Variants in TRPM1 observed in about 807,000 individuals in gnomAD.
TRPM1 encodes TRPM1-203 APA Isoform, Intron 10.
Under a neutral mutation model 149.4 loss-of-function variants are expected in TRPM1, and 113 were observed. The ratio of observed to expected loss-of-function variants is 0.76; its 90% CI spans 0.65 to 0.88. The LOEUF is 0.88. Among genes scored for constraint, TRPM1 ranks in the 40% least tolerant of loss-of-function variants. The probability of loss-of-function intolerance (pLI) is 0.00; values close to 1 mark genes in which losing one functional copy is unlikely to be tolerated. For missense variants in TRPM1, 1,976 were observed against 2,038.7 expected (o/e 0.97, Z 0.59); for synonymous variants, 741 against 759.5 (o/e 0.98, Z 0.40).
intron 27 of TRPM1, 34 bp from the exon 28 acceptor site, chr15:31,003,104 G>T: frequency 6.4e-7 from 1 of 1,551,958 alleles, no homozygotes; most frequent in East Asian, 2.2e-5. Flanking sequence ...TTATTAAACT[G>T]AGATTAAGTG....
At position 31,152,226 on chromosome 15, in the gene TRPM1, ATT is replaced by A; in HGVS notation, c.54+8678_54+8679del. Among the ~76,000 whole-genome samples the A allele has an allele frequency of 1.3e-5, 2 of 152,250 alleles. 1 individual carries two copies. Among genetic ancestry groups the A allele is most frequent in the South Asian group, 4.1e-4 (2 of 4,830 alleles). ...GAACTCTGCTCAGGCATGGGCATGG[ATT>A]AGTGCCTGGGTCTGAAGTGCCCCCC... On this transcript the variant is annotated intron_variant, in intron 1 of 26. Transcript: ENST00000542188.
chr15:31,033,085 G>A (rs2033169618), intron 21 of TRPM1, 145 bp from the exon 22 acceptor site: 4 of 1,104,194 alleles, frequency 3.6e-6, no homozygotes, highest in Non-Finnish European at 5.4e-6. Flanking sequence ...TTCTTCTCAG[G>A]CAGGGAGAGA....
chr15:31,141,806 G>A (rs568286098), intron 1 of TRPM1, among the ~76,000 whole-genome samples: 1 of 152,342 alleles, frequency 6.6e-6, no homozygotes, highest in South Asian at 2.1e-4. Flanking sequence ...GTTAAAATTG[G>A]TTGTGAGGGA....
At chr15:31,106,031 G>C (rs1255739774), upstream of TRPM1, among the ~76,000 whole-genome samples, 2 of 152,286 alleles carry the variant, frequency 1.3e-5, no homozygotes, top group Admixed American at 6.5e-5. Context: ...TGAAACGTTT[G>C]CATTTTGGCA....
chr15:31,002,098 A>G lies in TRPM1; in HGVS notation c.4602T>C (p.Ala1534=), dbSNP rs1261449086. ...FADMQDEHHV[A]EAIPRIPRLS... ...AGCGAGGGATTCGAGGAATTGCTTCAGCGACATGGTGTTCATCTTGCATAT... is the reference window on the plus strand; with the variant it reads ...AGCGAGGGATTCGAGGAATTGCTTCGGCGACATGGTGTTCATCTTGCATAT... Residue 1534 remains alanine, a synonymous_variant, in exon 28 of 28, where the codon GCT becomes GCC. Transcript: ENST00000256552. 1 of 1,614,262 alleles carries G rather than the reference A, an allele frequency of 6.2e-7. No homozygotes were observed. Among genetic ancestry groups the G allele is most frequent in the Non-Finnish European group, 8.5e-7 (1 of 1,180,040 alleles).
At chr15:31,025,530 G>C (rs115042504) in intron 27 of TRPM1, among the ~76,000 whole-genome samples, 1 of 152,134 alleles carries the variant, frequency 6.6e-6, no homozygotes, top group South Asian at 2.1e-4. Context: ...GCATCACCGC[G>C]GAGATTAGGC....
intron 1 of TRPM1, among the ~76,000 whole-genome samples, chr15:31,156,195 CAAAAAA>C (rs35981768): frequency 2.3e-3 from 85 of 36,646 alleles, no homozygotes; most frequent in African/African-American, 8.3e-3. Flanking sequence ...AGACCTCTGT[CAAAAAA>C]AAAAAAAAAA....
At position 31,083,326 on chromosome 15, in the gene TRPM1, C is replaced by A. The variant is rs115871677; in HGVS notation, c.-83-1888G>T. Among the ~76,000 whole-genome samples the A allele has an allele frequency of 4.8e-3, 730 of 152,334 alleles. 5 individuals are homozygous for A. Among genetic ancestry groups the A allele is most frequent in the African/African-American group, 0.017 (700 of 41,576 alleles). ...GGCCCACATATGGGCTTGGTTGGAA[C>A]CTTTTGTGAAAACTACATTTAGCTG... On this transcript the variant is annotated intron_variant, in intron 1 of 27. Transcript: ENST00000256552.
rs1263694685 is a variant in TRPM1, at chr15:31,070,192, G to T, written c.118C>A (p.Pro40Thr). The change falls in exon 4 of 28, where the codon CCC becomes ACC. Residue 40 changes from proline (P) to threonine (T), a missense_variant. Around this residue, in one of 3 missense-constraint regions of TRPM1, gnomAD observed 1,332 missense variants for 1,347.1 expected, o/e 0.99. Coordinates refer to ENST00000256552, the MANE Select transcript of TRPM1 (RefSeq NM_001252024.2). ...CTGGGTGTTGCACTTGGCAGAGGGG[G>T]GATATGCTGGTTGGTGAACTGGCCA... ...CCGQFTNQHI[P>T]PLPSATPSKN... 3.1e-6 allele frequency: 5 copies of T among 1,613,932 alleles called. No individual in the cohort carries two copies. The South Asian group carries it at 5.5e-5, about 18-fold the overall frequency.
Position 31,085,257 on chromosome 15 carries a change from C to T in TRPM1, c.-83-3819G>A, listed in dbSNP as rs146502827. Among the ~76,000 whole-genome samples the T allele has an allele frequency of 1.6e-3, 247 of 152,308 alleles. 4 individuals are homozygous for T. The East Asian group carries it at 0.036, about 22-fold the overall frequency. On this transcript the variant is annotated intron_variant, in intron 1 of 27. Coordinates refer to ENST00000256552, the MANE Select transcript of TRPM1 (RefSeq NM_001252024.2). Reference sequence around the variant, plus strand: ...CTATGGCCAGTTCCAAGAGTCCAGCCTCATGGTTACATCCTTGGCATTTCT... The same window carrying T: ...CTATGGCCAGTTCCAAGAGTCCAGCTTCATGGTTACATCCTTGGCATTTCT...
chr15:31,032,176 CA>C (rs2140911398), intron 22 of TRPM1, among the ~76,000 whole-genome samples: 1 of 152,096 alleles, frequency 6.6e-6, no homozygotes, highest in East Asian at 1.9e-4. Context: ...CCTATTGCAT[CA>C]AAAATTGATG....
intron 22 of TRPM1, among the ~76,000 whole-genome samples, chr15:31,032,174 A>G (rs1399764599): frequency 2.0e-5 from 3 of 152,140 alleles, no homozygotes. Flanking sequence ...TTCCTATTGC[A>G]TCAAAAATTG....
At chr15:31,080,599 T>C (rs2034828456) in intron 2 of TRPM1, among the ~76,000 whole-genome samples, 1 of 151,454 alleles carries the variant, frequency 6.6e-6, no homozygotes, top group East Asian at 1.9e-4. Context: ...TCTGGCACTG[T>C]CCTTCCCTAG....
At chr15:31,023,559 T>C (rs946759728) in intron 27 of TRPM1, among the ~76,000 whole-genome samples, 12 of 152,170 alleles carry the variant, frequency 7.9e-5, no homozygotes, top group Non-Finnish European at 1.8e-4. Context: ...TGGAAGCCTG[T>C]ACTAGGTGCG....
intron 1 of TRPM1, among the ~76,000 whole-genome samples, chr15:31,096,935 G>A (rs1028954328): frequency 6.6e-6 from 1 of 152,220 alleles, no homozygotes. Context: ...ACGCCAGCAG[G>A]AGTGAGGGGT....
upstream of TRPM1, among the ~76,000 whole-genome samples, chr15:31,105,825 A>G (rs1018603058): frequency 6.6e-6 from 1 of 152,228 alleles, no homozygotes; most frequent in African/African-American, 2.4e-5. Context: ...CGGGGAACAC[A>G]GTATCCGAGG....
chr15:31,049,486 C>T lies in TRPM1; in HGVS notation c.1461G>A (p.Met487Ile), dbSNP rs1178655324. The change falls in exon 13 of 28, where the codon ATG (methionine) becomes ATA (isoleucine). Residue 487 changes from methionine (M) to isoleucine (I), a missense_variant. Physicochemically the swap from Met to Ile is conservative, Grantham distance 10 (BLOSUM62 1). Around this residue, in one of 3 missense-constraint regions of TRPM1, gnomAD observed 1,332 missense variants for 1,347.1 expected, o/e 0.99. Transcript: ENST00000256552. ...CACGATCTAAGACTAAAGCATCTAG[C>T]ATCGCTTGCTCCAAAGCATTCACCT... ...LNWVNALEQA[M>I]LDALVLDRVD... The T allele has an allele frequency of 1.2e-6, 2 of 1,613,992 alleles. No individual in the cohort carries two copies. Among genetic ancestry groups the T allele is most frequent in the Admixed American group, 1.7e-5 (1 of 60,004 alleles).
At chr15:31,136,937 G>C (rs1403486111) in intron 1 of TRPM1, among the ~76,000 whole-genome samples, 1 of 152,120 alleles carries the variant, frequency 6.6e-6, no homozygotes, top group Non-Finnish European at 1.5e-5. Flanking sequence ...ACCTGAAAGA[G>C]AGAGATCTGA....
chr15:31,152,807 A>C lies in TRPM1; in HGVS notation c.54+8099T>G, dbSNP rs565833080. ...ACAGGCACACACCACCACATCTGGT[A>C]ATTTTAAAATTTTCTTGTAGAGACA... is the stretch of plus-strand genomic sequence containing the variant. On this transcript the variant is annotated intron_variant, in intron 1 of 26. Coordinates refer to the TRPM1 transcript ENST00000542188. 2.0e-5 allele frequency among the ~76,000 whole-genome samples: 3 copies of C among 152,100 alleles called. No individual in the cohort carries two copies. The South Asian group carries it at 6.2e-4, about 32-fold the overall frequency.
Sources: gnomAD v4.1 joint callset for allele counts (sites outside exome capture counted in the v4.1 genomes callset) on GRCh38, gnomAD v4.1.1 for gene constraint, gnomAD v4.1.1 regional missense constraint, MANE v1.5 for transcripts, NCBI Gene and HGNC (gene_info 2026-07-23, HGNC 2026-07-21) for gene names.